RHBDD1: variants seen among roughly 807,000 people sequenced by gnomAD.
RHBDD1 encodes the protein rhomboid domain containing 1, also known as rhomboid-related protein 4.
RHBDD1 carries 38 observed loss-of-function variants against 36.3 expected under a neutral mutation model. The observed-to-expected ratio is 1.05, with a 90% CI of 0.81 to 1.37. RHBDD1 has a LOEUF of 1.37. Ranked by LOEUF, RHBDD1 falls within the 40% of genes most tolerant of loss-of-function variation. The probability of loss-of-function intolerance (pLI) is 0.00; values close to 1 mark genes in which losing one functional copy is unlikely to be tolerated. For missense variants in RHBDD1, 393 were observed against 377.6 expected (o/e 1.04, Z -0.34); for synonymous variants, 151 against 136.5 (o/e 1.11, Z -0.74).
At chr2:226,810,368 C>A in the RHBDD1 span, among the ~76,000 whole-genome samples, 1 of 151,264 alleles carries the variant, frequency 6.6e-6, no homozygotes, top group Non-Finnish European at 1.5e-5. Flanking sequence ...GACAAAATCC[C>A]GTCTCTACTA....
the RHBDD1 span, among the ~76,000 whole-genome samples, chr2:226,826,710 C>T: frequency 2.0e-5 from 3 of 151,338 alleles, no homozygotes; most frequent in African/African-American, 7.3e-5. Flanking sequence ...TTAGTAGAGA[C>T]GGGGTTTCAC....
intron 8 of RHBDD1, among the ~76,000 whole-genome samples, chr2:226,940,544 G>A (rs1950599100): frequency 6.6e-6 from 1 of 151,966 alleles, no homozygotes; most frequent in African/African-American, 2.4e-5. Flanking sequence ...GTGTGTGTGT[G>A]TATCTCATGA....
chr2:226,989,734 G>A (rs1033923830), intron 8 of RHBDD1, among the ~76,000 whole-genome samples: 9 of 152,140 alleles, frequency 5.9e-5, no homozygotes, highest in African/African-American at 2.2e-4. Context: ...ATTATGGCCT[G>A]TTGATTTTAA....
chr2:226,925,471 A>G (rs4144328), intron 8 of RHBDD1, among the ~76,000 whole-genome samples: 1 of 151,862 alleles, frequency 6.6e-6, no homozygotes, highest in Non-Finnish European at 1.5e-5. Flanking sequence ...GAATGAAAAA[A>G]CGTAAGGCAC....
At chr2:226,947,169 T>C (rs978160353) in intron 8 of RHBDD1, among the ~76,000 whole-genome samples, 9 of 151,704 alleles carry the variant, frequency 5.9e-5, no homozygotes, top group Non-Finnish European at 1.3e-4. Flanking sequence ...GGACATGAAG[T>C]CCTTGCCCAT....
At position 226,974,105 on chromosome 2, in the gene RHBDD1, C is replaced by T. The variant is rs191845707; in HGVS notation, c.857-21326C>T. Among the ~76,000 whole-genome samples the T allele has an allele frequency of 9.9e-5, 15 of 152,284 alleles. No homozygotes were observed. In the East Asian group the frequency reaches 1.7e-3, roughly 18 times the overall value. On this transcript the variant is annotated intron_variant, in intron 8 of 8. Transcript: ENST00000392062. ...CTGCGATTCCTTTTTGCACAGCACTCGGTGTAACACTTCAAAGAAATAATT... is the reference window on the plus strand; with the variant it reads ...CTGCGATTCCTTTTTGCACAGCACTTGGTGTAACACTTCAAAGAAATAATT...
rs760918570 is a variant in RHBDD1, at chr2:226,982,908, C to T, written c.857-12523C>T. On this transcript the variant is annotated intron_variant, in intron 8 of 8. Coordinates refer to ENST00000392062, the MANE Select transcript of RHBDD1 (RefSeq NM_001167608.3). ...TCATCACAAATAGAATTTTAACTAA[C>T]GATTGTATTTGTTGTGTTTTTCAGG... Among the ~76,000 whole-genome samples, 8 of 152,252 alleles carry T rather than the reference C, an allele frequency of 5.3e-5. No individual in the cohort carries two copies. The East Asian group carries it at 5.8e-4, about 11-fold the overall frequency.
At chr2:226,879,642 A>G (rs1166346131) in intron 5 of RHBDD1, among the ~76,000 whole-genome samples, 3 of 152,248 alleles carry the variant, frequency 2.0e-5, no homozygotes, top group African/African-American at 4.8e-5. Flanking sequence ...AAATGAAAGT[A>G]TAACATTCCT....
intron 5 of RHBDD1, among the ~76,000 whole-genome samples, chr2:226,874,667 C>T (rs1945070340): frequency 6.6e-6 from 1 of 152,160 alleles, no homozygotes; most frequent in African/African-American, 2.4e-5. Context: ...TTAGGAGTCA[C>T]CCTGGTAATC....
intron 3 of RHBDD1, among the ~76,000 whole-genome samples, chr2:226,850,398 C>G (rs1402126036): frequency 6.6e-6 from 1 of 152,176 alleles, no homozygotes; most frequent in Admixed American, 6.5e-5. Flanking sequence ...CAAGGGTCCT[C>G]TATCCTGCCA....
Position 226,908,895 on chromosome 2 carries a change from A to AT in RHBDD1, c.712+20dup. On this transcript the variant is annotated intron_variant, in intron 7 of 8. Transcript: ENST00000392062. Reference sequence around the variant, plus strand: ...ATAGTTCAGGTAGGCACTGTATTTCATTTAATAAATTTTAACTTATTTTTA... The same window carrying AT: ...ATAGTTCAGGTAGGCACTGTATTTCATTTTAATAAATTTTAACTTATTTTTA... 6.7e-7 allele frequency: 1 copy of AT among 1,489,594 alleles called. No homozygotes were observed. The highest frequency in any genetic ancestry group is 9.3e-7 in the Non-Finnish European group (1 of 1,069,812). 92.3% of individuals were successfully genotyped at this position (1,489,594 alleles called of 1,614,324 possible).
chr2:226,847,630 TTGTC>T (rs1942361932), intron 3 of RHBDD1, among the ~76,000 whole-genome samples: 1 of 152,316 alleles, frequency 6.6e-6, no homozygotes. Flanking sequence ...ATGAGAAACA[TTGTC>T]TGAATGGTGC....
chr2:226,898,731 A>G (rs1214025112), intron 5 of RHBDD1, among the ~76,000 whole-genome samples: 1 of 152,198 alleles, frequency 6.6e-6, no homozygotes, highest in Non-Finnish European at 1.5e-5. Flanking sequence ...TTTGTATTAC[A>G]TCTCATTGCT....
rs529383657 is a variant in RHBDD1, at chr2:226,954,198, A to G, written c.856+39847A>G. Among the ~76,000 whole-genome samples, 5 of 152,350 alleles carry G rather than the reference A, an allele frequency of 3.3e-5. No individual in the cohort carries two copies. The South Asian group carries it at 1.0e-3, about 32-fold the overall frequency. On this transcript the variant is annotated intron_variant, in intron 8 of 8. Transcript: ENST00000392062. ...ACAGGGACAGGGGAGAGAGAAACAG[A>G]GATACATAGATGAGTTTTTATCATC...
At position 226,865,117 on chromosome 2, in the gene RHBDD1, G is replaced by A; in HGVS notation, c.424G>A (p.Gly142Ser). ...EPDFKRSCAV[G>S]FSGVLFALKV... ...TGACTTCAAAAGGAGCTGTGCTGTA[G>A]GTTTCTCAGGTAAGGGAGACAAAAT... is the stretch of plus-strand genomic sequence containing the variant. The change falls in exon 4 of 9, where the codon GGT becomes AGT. Residue 142 changes from glycine (G) to serine (S), a missense_variant. Physicochemically the swap from Gly to Ser is moderately conservative, Grantham distance 56. Coordinates refer to ENST00000392062, the MANE Select transcript of RHBDD1 (RefSeq NM_001167608.3). 1.2e-6 allele frequency: 2 copies of A among 1,610,004 alleles called. No homozygotes were observed. The highest frequency in any genetic ancestry group is 1.7e-6 in the Non-Finnish European group (2 of 1,178,112).
At chr2:226,853,595 GTTTC>G (rs1943043965) in intron 3 of RHBDD1, among the ~76,000 whole-genome samples, 1 of 152,188 alleles carries the variant, frequency 6.6e-6, no homozygotes, top group Non-Finnish European at 1.5e-5. Context: ...CATCACCTTG[GTTTC>G]TTTATCTGTG....
chr2:226,971,253 TA>T (rs1226080186), intron 8 of RHBDD1, among the ~76,000 whole-genome samples: 1 of 152,170 alleles, frequency 6.6e-6, no homozygotes, highest in Non-Finnish European at 1.5e-5. Context: ...AGGTGCTTAC[TA>T]AATGCTTGTT....
upstream of RHBDD1, among the ~76,000 whole-genome samples, chr2:226,832,880 G>A (rs1009340268): frequency 3.3e-5 from 5 of 152,020 alleles, no homozygotes; most frequent in South Asian, 4.2e-4. Flanking sequence ...GCATGGTGGC[G>A]GGCACCTGTA....
At chr2:226,936,009 G>A (rs952997104) in intron 8 of RHBDD1, among the ~76,000 whole-genome samples, 4 of 152,104 alleles carry the variant, frequency 2.6e-5, no homozygotes, top group Admixed American at 6.6e-5. Flanking sequence ...AGAGATGTAC[G>A]ACTAATTCTG....
Sources: gnomAD v4.1 joint callset for allele counts (sites outside exome capture counted in the v4.1 genomes callset) on GRCh38, gnomAD v4.1.1 for gene constraint, MANE v1.5 for transcripts, NCBI Gene and HGNC (gene_info 2026-07-23, HGNC 2026-07-21) for gene names.